ANKRD62: variants seen among roughly 807,000 people sequenced by gnomAD.
ANKRD62 encodes the protein ankyrin repeat domain-containing protein 62.
In ANKRD62, 61 loss-of-function variants were observed where a neutral mutation model predicts 98.8. The ratio of observed to expected loss-of-function variants is 0.62; its 90% CI spans 0.50 to 0.76. The LOEUF (loss-of-function observed/expected upper bound fraction) is 0.76, where lower values mean the gene tolerates loss of function less well. ANKRD62 is among the 30% of genes least tolerant of loss of function. ANKRD62 has a pLI of 0.00. For synonymous variants in ANKRD62, 341 were observed against 367.9 expected, an observed-to-expected ratio of 0.93 and a Z score of 0.84; for missense variants, 933 against 1,082.9, an observed-to-expected ratio of 0.86 and a Z score of 1.94.
At position 12,097,614 on chromosome 18, in the gene ANKRD62, G is replaced by A. The variant is rs114923001; in HGVS notation, c.615-26G>A. Reference sequence around the variant, plus strand: ...AACATAGCTTTGCTAAAGTTCCTAAGCATGAAATTATCTTTCTTATTTTAG... The same window carrying A: ...AACATAGCTTTGCTAAAGTTCCTAAACATGAAATTATCTTTCTTATTTTAG... On this transcript the variant is annotated intron_variant, in intron 4 of 13. Coordinates refer to ENST00000587848, the MANE Select transcript of ANKRD62 (RefSeq NM_001277333.2). The A allele has an allele frequency of 2.2e-3, 3,267 of 1,518,074 alleles. 43 individuals carry two copies. The African/African-American group carries it at 0.035, about 16-fold the overall frequency. The allele number at this position is 1,518,074 out of a possible 1,614,324, so 94.0% of individuals were successfully genotyped here. A position where few individuals can be genotyped will look rare whatever the true frequency, so the allele number is the denominator to read the frequency against.
At chr18:12,166,279 C>A in the ANKRD62 span, among the ~76,000 whole-genome samples, 4 of 151,906 alleles carry the variant, frequency 2.6e-5, no homozygotes, top group African/African-American at 9.7e-5. Flanking sequence ...CTTAGATTTG[C>A]CCTTTTGAGG....
intron 7 of ANKRD62, among the ~76,000 whole-genome samples, chr18:12,104,882 A>T (rs1391999034): frequency 1.3e-5 from 2 of 152,188 alleles, no homozygotes; most frequent in African/African-American, 4.8e-5. Flanking sequence ...TTTTATTTAA[A>T]TGAAAATAAA....
intron 7 of ANKRD62, 126 bp downstream of exon 7, chr18:12,103,354 A>G (rs1232672006): frequency 2.0e-6 from 1 of 512,570 alleles, no homozygotes; most frequent in Non-Finnish European, 3.1e-6. Flanking sequence ...TTTTAATAAC[A>G]TTTTAACTGT....
downstream of ANKRD62, among the ~76,000 whole-genome samples, chr18:12,132,997 A>G (rs983649535): frequency 6.6e-6 from 1 of 152,130 alleles, no homozygotes; most frequent in African/African-American, 2.4e-5. Context: ...ACAATGTCAT[A>G]CAACAATCAC....
chr18:12,164,025 G>A, the ANKRD62 span, among the ~76,000 whole-genome samples: 23 of 152,014 alleles, frequency 1.5e-4, no homozygotes, highest in Middle Eastern at 3.4e-3. Context: ...TGGCCTTCTA[G>A]AATGAGTTTG....
intron 4 of ANKRD62, 83 bp downstream of exon 4, chr18:12,096,385 T>G (rs1365061470): frequency 1.4e-6 from 1 of 736,444 alleles, no homozygotes; most frequent in Non-Finnish European, 2.1e-6. Flanking sequence ...AATATTAAAT[T>G]GATAAGATTA....
At position 12,122,693 on chromosome 18, in the gene ANKRD62, ATAAT is replaced by A. The variant is rs553937704; in HGVS notation, c.1454+183_1454+186del. 1.3e-3 allele frequency among the ~76,000 whole-genome samples: 192 copies of A among 152,342 alleles called. 2 individuals carry two copies. The highest frequency in any genetic ancestry group is 2.1e-3 in the Non-Finnish European group (145 of 68,036). The stretch of plus-strand genomic sequence containing the variant: ...CAAGTTAATTGTGAATACTTCTCTA[ATAAT>A]TAATTGCATATCCCTTTAAATCATT... On this transcript the variant is annotated intron_variant, in intron 11 of 13. Coordinates refer to ENST00000587848, the MANE Select transcript of ANKRD62 (RefSeq NM_001277333.2).
At chr18:12,151,271 C>T in the ANKRD62 span, among the ~76,000 whole-genome samples, 1 of 152,178 alleles carries the variant, frequency 6.6e-6, no homozygotes, top group African/African-American at 2.4e-5. Flanking sequence ...AGCACATGAG[C>T]ACCTAGGTTC....
downstream of ANKRD62, among the ~76,000 whole-genome samples, chr18:12,130,802 C>G (rs910308318): frequency 2.6e-5 from 4 of 152,096 alleles, no homozygotes; most frequent in African/African-American, 9.7e-5. Context: ...AGGCAATCCC[C>G]TGCCCCAGCC....
chr18:12,167,368 G>C, the ANKRD62 span, among the ~76,000 whole-genome samples: 1 of 151,988 alleles, frequency 6.6e-6, no homozygotes, highest in Non-Finnish European at 1.5e-5. Context: ...TCCCACCTAT[G>C]AGTGAGAACA....
chr18:12,113,334 T>C (rs1451666116), intron 8 of ANKRD62, among the ~76,000 whole-genome samples: 1 of 152,134 alleles, frequency 6.6e-6, no homozygotes, highest in East Asian at 1.9e-4. Flanking sequence ...ATGGCTATTA[T>C]TAAAAAGTCC....
the ANKRD62 span, among the ~76,000 whole-genome samples, chr18:12,136,536 T>C: frequency 3.3e-5 from 5 of 152,222 alleles, no homozygotes. Context: ...GGCTCTTTTT[T>C]GGTTCCATAT....
the ANKRD62 span, among the ~76,000 whole-genome samples, chr18:12,135,147 T>C: frequency 6.7e-6 from 1 of 149,886 alleles, no homozygotes. Flanking sequence ...ACCCATTAAC[T>C]CGTCATTTAA....
the ANKRD62 span, among the ~76,000 whole-genome samples, chr18:12,138,299 A>T: frequency 6.6e-6 from 1 of 152,108 alleles, no homozygotes; most frequent in Non-Finnish European, 1.5e-5. Context: ...TCATTTCGTT[A>T]TGTACCCAGT....
the ANKRD62 span, among the ~76,000 whole-genome samples, chr18:12,177,624 C>G: frequency 6.6e-6 from 1 of 151,990 alleles, no homozygotes; most frequent in African/African-American, 2.4e-5. Flanking sequence ...TGCTGTAGCC[C>G]AGCCATAGGC....
downstream of ANKRD62, among the ~76,000 whole-genome samples, chr18:12,130,296 AT>A (rs1909983701): frequency 6.6e-6 from 1 of 152,142 alleles, no homozygotes; most frequent in Admixed American, 6.5e-5. Context: ...AATTTATATG[AT>A]TTAAAAAAAA....
the ANKRD62 span, among the ~76,000 whole-genome samples, chr18:12,137,997 C>T: frequency 6.6e-6 from 1 of 152,108 alleles, no homozygotes; most frequent in African/African-American, 2.4e-5. Context: ...AAAAAACCAG[C>T]TCCTGGATTC....
the ANKRD62 span, among the ~76,000 whole-genome samples, chr18:12,137,942 C>T: frequency 2.0e-5 from 3 of 152,080 alleles, no homozygotes; most frequent in Admixed American, 6.6e-5. Context: ...GTCTTTTCTT[C>T]TTTATTAGTC....
chr18:12,101,983 C>G, intron 6 of ANKRD62: 1 of 1,114,912 alleles, frequency 9.0e-7, no homozygotes, highest in South Asian at 1.2e-5. Context: ...AGTATTAAGT[C>G]AGAAAGGTCA....
Sources: gnomAD v4.1 joint callset for allele counts (sites outside exome capture counted in the v4.1 genomes callset) on GRCh38, gnomAD v4.1.1 for gene constraint, MANE v1.5 for transcripts, NCBI Gene and HGNC (gene_info 2026-07-23, HGNC 2026-07-21) for gene names.